The following C12orf42 variants were observed in gnomAD, a reference collection of about 807,000 sequenced individuals.
The protein encoded by C12orf42 is uncharacterized protein C12orf42.
A neutral mutation model predicts 21.6 loss-of-function variants in C12orf42; 25 were observed. The ratio of observed to expected loss-of-function variants is 1.16; its 90% CI spans 0.84 to 1.62. C12orf42 has a LOEUF of 1.62. Among genes scored for constraint, C12orf42 ranks in the 40% most tolerant of loss-of-function variants. C12orf42 has a pLI of 0.00. For synonymous variants in C12orf42, 174 were observed against 175.0 expected, an observed-to-expected ratio of 0.99 and a Z score of 0.05; for missense variants, 483 against 459.3, an observed-to-expected ratio of 1.05 and a Z score of -0.47.
At chr12:103,356,775 G>A (rs1292239916) in intron 4 of C12orf42, among the ~76,000 whole-genome samples, 3 of 152,080 alleles carry the variant, frequency 2.0e-5, no homozygotes. Flanking sequence ...CTGATGGCCA[G>A]TGATGGTGAG....
At chr12:103,426,836 G>C (rs1201953229) in intron 2 of C12orf42, among the ~76,000 whole-genome samples, 1 of 152,134 alleles carries the variant, frequency 6.6e-6, no homozygotes, top group Admixed American at 6.5e-5. Context: ...TTTCAACCCA[G>C]AATTTCATAT....
chr12:103,133,251 A>C, the C12orf42 span, among the ~76,000 whole-genome samples: 1 of 151,918 alleles, frequency 6.6e-6, no homozygotes, highest in East Asian at 1.9e-4. Context: ...TCTAACACCA[A>C]CATTTGGGAT....
intron 4 of C12orf42, among the ~76,000 whole-genome samples, chr12:103,313,075 G>C (rs1178846217): frequency 6.6e-6 from 1 of 152,028 alleles, no homozygotes; most frequent in East Asian, 1.9e-4. Context: ...TGTAACTCTA[G>C]CATGTTCATG....
chr12:103,102,763 A>C, the C12orf42 span, among the ~76,000 whole-genome samples: 1 of 152,174 alleles, frequency 6.6e-6, no homozygotes, highest in Admixed American at 6.5e-5. Flanking sequence ...TGTCAGGTTG[A>C]GGTTTGCTGG....
intron 2 of C12orf42, among the ~76,000 whole-genome samples, chr12:103,458,577 A>G (rs768948679): frequency 2.0e-5 from 3 of 152,176 alleles, no homozygotes; most frequent in Non-Finnish European, 4.4e-5. Flanking sequence ...CCATATGGAA[A>G]ACATCCAGCT....
chr12:103,513,651 A>C, the C12orf42 span, among the ~76,000 whole-genome samples: 1 of 152,214 alleles, frequency 6.6e-6, no homozygotes, highest in Non-Finnish European at 1.5e-5. Flanking sequence ...GCAGGACTCT[A>C]ACTGGGGAAA....
chr12:103,367,642 A>G (rs1414701056), intron 4 of C12orf42, among the ~76,000 whole-genome samples: 1 of 151,936 alleles, frequency 6.6e-6, no homozygotes, highest in East Asian at 1.9e-4. Flanking sequence ...GATTCTCAAG[A>G]AAACAGTAAA....
the C12orf42 span, among the ~76,000 whole-genome samples, chr12:103,121,028 G>T: frequency 1.3e-5 from 2 of 152,070 alleles, no homozygotes; most frequent in East Asian, 3.9e-4. Context: ...ACCCAATCTG[G>T]CAAAATCATT....
the C12orf42 span, among the ~76,000 whole-genome samples, chr12:103,085,111 T>A: frequency 6.6e-6 from 1 of 152,174 alleles, no homozygotes; most frequent in Admixed American, 6.5e-5. Context: ...AGTGCTTAAT[T>A]TTACAAGGAA....
At chr12:103,552,535 T>C in the C12orf42 span, among the ~76,000 whole-genome samples, 1 of 152,186 alleles carries the variant, frequency 6.6e-6, no homozygotes, top group Non-Finnish European at 1.5e-5. Flanking sequence ...TACAAGGGAA[T>C]GGTGAAAAGG....
the C12orf42 span, among the ~76,000 whole-genome samples, chr12:103,095,864 T>C: frequency 6.6e-6 from 1 of 152,150 alleles, no homozygotes; most frequent in Admixed American, 6.5e-5. Flanking sequence ...TCTAAAAGTC[T>C]TATTAGAACA....
At chr12:103,173,185 G>A in the C12orf42 span, among the ~76,000 whole-genome samples, 1 of 152,044 alleles carries the variant, frequency 6.6e-6, no homozygotes, top group Admixed American at 6.6e-5. Context: ...ATTTTTGCTG[G>A]CATCTATATA....
chr12:103,307,096 G>A (rs2038421274), intron 4 of C12orf42, among the ~76,000 whole-genome samples: 1 of 152,186 alleles, frequency 6.6e-6, no homozygotes, highest in Non-Finnish European at 1.5e-5. Context: ...TTCCCAAACT[G>A]AGAGAATACA....
chr12:103,385,330 A>C (rs2046516981), intron 3 of C12orf42, among the ~76,000 whole-genome samples: 2 of 152,344 alleles, frequency 1.3e-5, no homozygotes, highest in South Asian at 4.1e-4. Context: ...GGTGAATAGA[A>C]ATCTTTAAAA....
chr12:103,345,279 G>T (rs1264068796), intron 4 of C12orf42, among the ~76,000 whole-genome samples: 1 of 152,110 alleles, frequency 6.6e-6, no homozygotes, highest in African/African-American at 2.4e-5. Flanking sequence ...TTTCTCTTCT[G>T]TAAAATGCAG....
the C12orf42 span, among the ~76,000 whole-genome samples, chr12:103,230,390 G>T: frequency 6.6e-6 from 1 of 152,156 alleles, no homozygotes; most frequent in African/African-American, 2.4e-5. Flanking sequence ...GAGCAAGCTG[G>T]CTTGGTACCA....
intron 4 of C12orf42, among the ~76,000 whole-genome samples, chr12:103,290,206 C>A (rs917997737): frequency 6.6e-6 from 1 of 152,132 alleles, no homozygotes; most frequent in Non-Finnish European, 1.5e-5. Context: ...CATATTGCAC[C>A]TGTCAAAACG....
the C12orf42 span, among the ~76,000 whole-genome samples, chr12:103,101,096 G>A: frequency 6.6e-6 from 1 of 152,156 alleles, no homozygotes; most frequent in African/African-American, 2.4e-5. Flanking sequence ...CCTGGAAAAT[G>A]GGATAATCCT....
At chr12:103,556,391 T>C in the C12orf42 span, among the ~76,000 whole-genome samples, 2 of 152,310 alleles carry the variant, frequency 1.3e-5, no homozygotes, top group Non-Finnish European at 2.9e-5. Flanking sequence ...AATCGGGGCT[T>C]AGTCATAAGG....
Sources: gnomAD v4.1 joint callset for allele counts (sites outside exome capture counted in the v4.1 genomes callset) on GRCh38, gnomAD v4.1.1 for gene constraint, MANE v1.5 for transcripts, NCBI Gene and HGNC (gene_info 2026-07-23, HGNC 2026-07-21) for gene names.